The following PCDH7 variants were observed in gnomAD, a reference collection of about 807,000 sequenced individuals.
The protein encoded by PCDH7 is protocadherin 7, also known as protocadherin-7.
Under a neutral mutation model 58.9 loss-of-function variants are expected in PCDH7, and 17 were observed. The observed-to-expected ratio is 0.29, with a 90% CI of 0.20 to 0.43. The LOEUF (loss-of-function observed/expected upper bound fraction) is 0.43, where lower values mean the gene tolerates loss of function less well. Ranked by LOEUF, PCDH7 falls within the 20% of genes least tolerant of loss-of-function variation. PCDH7 has a pLI of 1.00. For missense variants in PCDH7, 1,274 were observed against 1,441.0 expected (o/e 0.88, Z 1.88); for synonymous variants, 664 against 616.4 (o/e 1.08, Z -1.14).
intron 3 of PCDH7, among the ~76,000 whole-genome samples, chr4:31,120,051 A>T (rs1321287659): frequency 6.6e-6 from 1 of 151,476 alleles, no homozygotes; most frequent in African/African-American, 2.4e-5. Flanking sequence ...CCATCACCTG[A>T]TGGTCACCTG....
chr4:30,809,065 T>C (rs2109312013), intron 1 of PCDH7, among the ~76,000 whole-genome samples: 1 of 152,346 alleles, frequency 6.6e-6, no homozygotes. Flanking sequence ...AAGATACAAA[T>C]GTATCTGGCA....
At chr4:30,991,381 G>A (rs1388505712) in intron 3 of PCDH7, among the ~76,000 whole-genome samples, 1 of 152,200 alleles carries the variant, frequency 6.6e-6, no homozygotes, top group Non-Finnish European at 1.5e-5. Context: ...GTACACTGTT[G>A]TGAGAGGGAG....
intron 1 of PCDH7, among the ~76,000 whole-genome samples, chr4:30,817,296 T>G (rs2109318487): frequency 6.6e-6 from 1 of 152,328 alleles, no homozygotes; most frequent in African/African-American, 2.4e-5. Flanking sequence ...ATACAGTTTC[T>G]GAGGCTTTTA....
intron 3 of PCDH7, among the ~76,000 whole-genome samples, chr4:31,092,937 A>G (rs933854817): frequency 2.0e-5 from 3 of 152,080 alleles, no homozygotes; most frequent in African/African-American, 7.2e-5. Context: ...GTCTTTATAT[A>G]GACGAAAATA....
rs542096576 is a variant in PCDH7 at position 30,942,349 on chromosome 4, A to G, written c.288-7771A>G. 2.6e-5 allele frequency among the ~76,000 whole-genome samples: 4 copies of G among 152,126 alleles called. No individual in the cohort carries two copies. The South Asian group carries it at 8.3e-4, about 32-fold the overall frequency. On this transcript the variant is annotated intron_variant, in intron 2 of 3. Transcript: ENST00000509759. ...ACATACTGTATAAAAAAGAAATTCA[A>G]TTTGCGAATCCTAAATTCTTTATAG...
At chr4:31,075,942 TG>T (rs1331390602) in intron 3 of PCDH7, among the ~76,000 whole-genome samples, 2 of 152,344 alleles carry the variant, frequency 1.3e-5, no homozygotes, top group East Asian at 3.9e-4. Context: ...CAGCAAGCCC[TG>T]GCAGTGTTCG....
chr4:30,940,365 TC>T (rs2109435308), intron 2 of PCDH7, among the ~76,000 whole-genome samples: 2 of 152,198 alleles, frequency 1.3e-5, no homozygotes, highest in East Asian at 3.9e-4. Context: ...ATTTTAGAAT[TC>T]TTTTTATAAT....
chr4:30,986,958 C>CGGT (rs1751026676), intron 3 of PCDH7, among the ~76,000 whole-genome samples: 13 of 150,996 alleles, frequency 8.6e-5, no homozygotes, highest in Non-Finnish European at 1.5e-4. Context: ...TCCAGCCTGA[C>CGGT]GACAGAGCGA....
chr4:30,984,065 C>G (rs535153193), intron 3 of PCDH7, among the ~76,000 whole-genome samples: 1 of 152,276 alleles, frequency 6.6e-6, no homozygotes, highest in East Asian at 1.9e-4. Flanking sequence ...TTCATGTTCA[C>G]AGAGTTGCAG....
chr4:30,747,126 T>C lies in PCDH7; in HGVS notation c.70+22530T>C, dbSNP rs1407122226. ...ATTATGATTTTCTAAAGGCATTAGCTGAAACAACCTGTATGTTGTTAAAAT... is the reference window on the plus strand; with the variant it reads ...ATTATGATTTTCTAAAGGCATTAGCCGAAACAACCTGTATGTTGTTAAAAT... On this transcript the variant is annotated intron_variant, in intron 1 of 3. Coordinates refer to the PCDH7 transcript ENST00000509759. Among the ~76,000 whole-genome samples, 3 of 152,218 alleles carry C rather than the reference T, an allele frequency of 2.0e-5. No homozygotes were observed. In the East Asian group the frequency reaches 5.8e-4, roughly 29 times the overall value.
chr4:30,940,882 G>GTA (rs1745952149), intron 2 of PCDH7, among the ~76,000 whole-genome samples: 1 of 151,878 alleles, frequency 6.6e-6, no homozygotes, highest in Non-Finnish European at 1.5e-5. Flanking sequence ...TTTCTCAAGA[G>GTA]TATACCATAT....
intron 1 of PCDH7, among the ~76,000 whole-genome samples, chr4:30,864,261 C>T (rs1250734088): frequency 6.6e-6 from 1 of 151,968 alleles, no homozygotes; most frequent in Non-Finnish European, 1.5e-5. Context: ...CCTGACCTCT[C>T]AGTACATCCC....
chr4:30,961,255 C>A (rs1748392574), intron 3 of PCDH7, among the ~76,000 whole-genome samples: 1 of 151,738 alleles, frequency 6.6e-6, no homozygotes, highest in South Asian at 2.1e-4. Context: ...TGTTATAAAA[C>A]CTTGGCACGC....
At chr4:31,003,527 C>A (rs1021141208) in intron 3 of PCDH7, among the ~76,000 whole-genome samples, 1 of 151,996 alleles carries the variant, frequency 6.6e-6, no homozygotes, top group African/African-American at 2.4e-5. Context: ...ATTGTGATTA[C>A]CGGCTCAGTA....
At chr4:30,954,016 G>A (rs1747608391) in intron 3 of PCDH7, among the ~76,000 whole-genome samples, 1 of 152,106 alleles carries the variant, frequency 6.6e-6, no homozygotes, top group Non-Finnish European at 1.5e-5. Flanking sequence ...TGTAAAGCAA[G>A]AGCTGTCAGA....
intron 1 of PCDH7, among the ~76,000 whole-genome samples, chr4:30,843,550 A>G (rs538914248): frequency 2.2e-4 from 33 of 152,276 alleles, no homozygotes; most frequent in African/African-American, 7.5e-4. Context: ...GGATGTAGCG[A>G]TTACTTGCAA....
At chr4:31,101,644 C>T (rs766734514) in intron 3 of PCDH7, among the ~76,000 whole-genome samples, 15 of 152,118 alleles carry the variant, frequency 9.9e-5, no homozygotes, top group Non-Finnish European at 1.6e-4. Flanking sequence ...TGAATTCCTG[C>T]ATATTAGGCT....
At chr4:30,848,439 T>G (rs1484256999) in intron 1 of PCDH7, among the ~76,000 whole-genome samples, 1 of 152,140 alleles carries the variant, frequency 6.6e-6, no homozygotes, top group East Asian at 1.9e-4. Context: ...ATTTTGAGTA[T>G]TTAAAAAATT....
intron 3 of PCDH7, among the ~76,000 whole-genome samples, chr4:31,049,471 A>T (rs6847526): frequency 0.088 from 13,422 of 152,168 alleles, 694 homozygotes; most frequent in South Asian, 0.18. Flanking sequence ...GGGAAGCAAC[A>T]GGCAAGAAAT....
Sources: gnomAD v4.1 joint callset for allele counts (sites outside exome capture counted in the v4.1 genomes callset) on GRCh38, gnomAD v4.1.1 for gene constraint, MANE v1.5 for transcripts, NCBI Gene and HGNC (gene_info 2026-07-23, HGNC 2026-07-21) for gene names.